Variants in PMS1 observed in about 807,000 individuals in gnomAD.
PMS1 encodes PMS1 homolog 1, mismatch repair system component, also known as PMS1 protein homolog 1.
In PMS1, 79 loss-of-function variants were observed where a neutral mutation model predicts 93.1. The ratio of observed to expected loss-of-function variants is 0.85; its 90% CI spans 0.71 to 1.02. The LOEUF is 1.02. PMS1 is among the 50% of genes least tolerant of loss of function. The pLI, the probability that PMS1 is intolerant of heterozygous loss-of-function variation, is 0.00. For missense variants in PMS1, 1,064 were observed against 1,085.3 expected, an observed-to-expected ratio of 0.98 and a Z score of 0.28; for synonymous variants, 335 against 363.4, an observed-to-expected ratio of 0.92 and a Z score of 0.89.
At chr2:189,871,230 CT>C (rs1256047972) in intron 11 of PMS1, among the ~76,000 whole-genome samples, 4 of 152,158 alleles carry the variant, frequency 2.6e-5, no homozygotes, top group African/African-American at 9.7e-5. Context: ...GGTGTCCAAT[CT>C]TTTGGCTTCC....
rs2048906405 is a variant in PMS1, at chr2:189,791,939, C to T, written c.130C>T (p.Leu44=). 1.2e-6 allele frequency: 2 copies of T among 1,613,810 alleles called. No homozygotes were observed. The highest frequency in any genetic ancestry group is 2.2e-5 in the East Asian group (1 of 44,872). The change falls in exon 2 of 13, where the codon CTG becomes TTG. Residue 44 remains leucine, a splice_region_variant and synonymous_variant. Transcript: ENST00000441310. ...DAGATSVDVK[L]ENYGFDKIEV... ...TGGTGCCACAAGCGTAGATGTTAAACTGGTGAGTGTCCTTGAGAACCCAAA... is the reference window on the plus strand; with the variant it reads ...TGGTGCCACAAGCGTAGATGTTAAATTGGTGAGTGTCCTTGAGAACCCAAA...
intron 5 of PMS1, among the ~76,000 whole-genome samples, chr2:189,820,529 C>G (rs940220216): frequency 1.3e-5 from 2 of 152,068 alleles, no homozygotes; most frequent in Non-Finnish European, 2.9e-5. Flanking sequence ...TCTCAAACTT[C>G]TGAGCTTTCA....
intron 5 of PMS1, among the ~76,000 whole-genome samples, chr2:189,823,198 C>T (rs2052100129): frequency 6.6e-6 from 1 of 151,954 alleles, no homozygotes; most frequent in Non-Finnish European, 1.5e-5. Flanking sequence ...TGAAAAAACT[C>T]ACAGATTTGG....
intron 4 of PMS1, among the ~76,000 whole-genome samples, chr2:189,810,827 G>A (rs1401817004): frequency 6.6e-6 from 1 of 152,044 alleles, no homozygotes; most frequent in Non-Finnish European, 1.5e-5. Flanking sequence ...TTCTCTGGGA[G>A]AAAATATTTT....
At chr2:189,804,077 TATC>T (rs1488483899) in intron 3 of PMS1, among the ~76,000 whole-genome samples, 1 of 152,166 alleles carries the variant, frequency 6.6e-6, no homozygotes, top group Admixed American at 6.6e-5. Flanking sequence ...ATCTTCATCT[TATC>T]ATCACCCTTC....
chr2:189,806,659 A>T, intron 4 of PMS1: 1 of 202,404 alleles, frequency 4.9e-6, no homozygotes, highest in Non-Finnish European at 1.0e-5. Context: ...GGCCTCCCAG[A>T]GTGCTGAGAT....
chr2:189,831,986 C>T (rs1214309632), intron 5 of PMS1, among the ~76,000 whole-genome samples: 1 of 152,102 alleles, frequency 6.6e-6, no homozygotes, highest in African/African-American at 2.4e-5. Context: ...CCGCCTCGGC[C>T]TCCCAGTGGA....
At chr2:189,804,637 A>T (rs773163926) in intron 3 of PMS1, among the ~76,000 whole-genome samples, 31 of 152,164 alleles carry the variant, frequency 2.0e-4, no homozygotes, top group Non-Finnish European at 3.5e-4. Context: ...TAGGCCCTAC[A>T]GTAAATCTGC....
chr2:189,835,752 C>G (rs2053324312), intron 5 of PMS1, among the ~76,000 whole-genome samples: 1 of 151,714 alleles, frequency 6.6e-6, no homozygotes, highest in Non-Finnish European at 1.5e-5. Flanking sequence ...ATGGTGAAAC[C>G]CTTTCTCTTC....
intron 4 of PMS1, among the ~76,000 whole-genome samples, chr2:189,812,298 A>G (rs58147864): frequency 0.048 from 7,247 of 152,240 alleles, 278 homozygotes; most frequent in African/African-American, 0.1. Flanking sequence ...TAGACTCTCA[A>G]ATGAAACAAA....
chr2:189,796,335 G>T (rs1463978132), intron 3 of PMS1, among the ~76,000 whole-genome samples: 1 of 152,074 alleles, frequency 6.6e-6, no homozygotes. Flanking sequence ...TCCCACCTAG[G>T]CAAGATAGAG....
At chr2:189,849,716 A>G (rs1482231578) in intron 6 of PMS1, among the ~76,000 whole-genome samples, 3 of 152,110 alleles carry the variant, frequency 2.0e-5, no homozygotes, top group African/African-American at 7.2e-5. Flanking sequence ...ACCAGGTATC[A>G]TATTAGTAAT....
At chr2:189,794,777 T>C (rs935176394) in intron 2 of PMS1, among the ~76,000 whole-genome samples, 1 of 152,128 alleles carries the variant, frequency 6.6e-6, no homozygotes, top group Non-Finnish European at 1.5e-5. Flanking sequence ...TATAAGAATA[T>C]AAAACTAAGC....
chr2:189,788,280 G>A (rs377648641), intron 1 of PMS1, among the ~76,000 whole-genome samples: 11 of 152,234 alleles, frequency 7.2e-5, no homozygotes, highest in African/African-American at 2.7e-4. Context: ...GTAGGGGTTA[G>A]AGGTGGGGGG....
intron 2 of PMS1, among the ~76,000 whole-genome samples, chr2:189,793,930 T>C (rs1168856200): frequency 6.6e-6 from 1 of 152,156 alleles, no homozygotes; most frequent in African/African-American, 2.4e-5. Context: ...CAAATCTTTG[T>C]GTTCTTATTA....
intron 6 of PMS1, among the ~76,000 whole-genome samples, chr2:189,849,387 T>C (rs2054508894): frequency 6.6e-6 from 1 of 152,240 alleles, no homozygotes; most frequent in South Asian, 2.1e-4. Flanking sequence ...TTTGTTTTCA[T>C]ATTCTTCTCT....
intron 5 of PMS1, among the ~76,000 whole-genome samples, chr2:189,840,909 G>A (rs956028533): frequency 2.6e-5 from 4 of 152,028 alleles, no homozygotes; most frequent in Admixed American, 6.5e-5. Context: ...ATTTTGTTTT[G>A]TCTTCACTGG....
chr2:189,860,839 T>TGAGGAG (rs150746757), intron 9 of PMS1, among the ~76,000 whole-genome samples: 8 of 103,242 alleles, frequency 7.7e-5, no homozygotes, highest in African/African-American at 3.9e-4. Context: ...TTTTTTTTTT[T>TGAGGAG]GAGGAGGAGG....
intron 9 of PMS1, 50 bp downstream of exon 9, chr2:189,855,178 C>T (rs923503087): frequency 7.6e-6 from 11 of 1,453,074 alleles, no homozygotes; most frequent in Non-Finnish European, 1.1e-5. Flanking sequence ...TATTTCCATT[C>T]TATATGACTC....
Sources: allele counts gnomAD v4.1 joint callset (sites outside exome capture counted in the v4.1 genomes callset), GRCh38; gene constraint gnomAD v4.1.1; transcripts MANE v1.5; gene names NCBI Gene and HGNC (gene_info 2026-07-23, HGNC 2026-07-21).